Variants in TRAK1 observed in about 807,000 individuals in gnomAD.
TRAK1 encodes trafficking kinesin protein 1, also known as trafficking kinesin-binding protein 1.
A neutral mutation model predicts 92.1 loss-of-function variants in TRAK1; 33 were observed. The ratio of observed to expected loss-of-function variants is 0.36; its 90% CI spans 0.27 to 0.48. The LOEUF (loss-of-function observed/expected upper bound fraction) is 0.48, where lower values mean the gene tolerates loss of function less well. Among genes scored for constraint, TRAK1 ranks in the 20% least tolerant of loss-of-function variants. TRAK1 has a pLI of 0.99. For missense variants in TRAK1, 1,123 were observed against 1,257.9 expected (o/e 0.89, Z 1.62); for synonymous variants, 521 against 517.3 (o/e 1.01, Z -0.10).
chr3:42,114,014 C>T (rs528628893), intron 1 of TRAK1, among the ~76,000 whole-genome samples: 2 of 152,270 alleles, frequency 1.3e-5, no homozygotes, highest in African/African-American at 4.8e-5. Flanking sequence ...CTCTGCCAGC[C>T]GCTAATCTGC....
intron 2 of TRAK1, among the ~76,000 whole-genome samples, chr3:42,155,681 T>C (rs1380215172): frequency 6.6e-6 from 1 of 152,224 alleles, no homozygotes; most frequent in African/African-American, 2.4e-5. Context: ...GTGAAGCTTT[T>C]TGTAATGCAG....
At chr3:42,200,747 AT>A (rs1194864880) in intron 11 of TRAK1, 70 bp from the exon 12 acceptor site, 1 of 1,533,832 alleles carries the variant, frequency 6.5e-7, no homozygotes, top group African/African-American at 1.4e-5. Flanking sequence ...TCAGTTGATC[AT>A]TTTTGGAGGG....
chr3:42,181,359 C>T (rs1416619142), intron 3 of TRAK1, among the ~76,000 whole-genome samples: 1 of 152,154 alleles, frequency 6.6e-6, no homozygotes, highest in African/African-American at 2.4e-5. Context: ...GCCTGGCCTA[C>T]ATGGTGAAAC....
intron 1 of TRAK1, among the ~76,000 whole-genome samples, chr3:42,100,212 C>T (rs925500482): frequency 2.6e-5 from 4 of 152,092 alleles, no homozygotes; most frequent in African/African-American, 9.7e-5. Flanking sequence ...ACAAAAAATA[C>T]AAAGCTTAGC....
rs2290134 is a variant in TRAK1, at chr3:42,209,771, C to T, written c.1749C>T (p.Ser583=). Residue 583 remains serine, a synonymous_variant, in exon 14 of 16, where the codon TCC becomes TCT. Transcript: ENST00000327628. The stretch of plus-strand genomic sequence containing the variant: ...CCCTTCCCTTTCTCCTGCAAGGTTC[C>T]GCCACACTTCACCACTGGCAGCAGT... ...KLQIVKPLEG[S]ATLHHWQQLA... is the part of the protein sequence containing the mutation. 822,356 of 1,612,310 alleles carry T rather than the reference C, an allele frequency of 0.51. 210,740 individuals are homozygous for T. The highest frequency in any genetic ancestry group is 0.63 in the Admixed American group (37,611 of 60,000).
At chr3:42,103,603 C>T (rs756117009) in intron 1 of TRAK1, among the ~76,000 whole-genome samples, 13 of 152,142 alleles carry the variant, frequency 8.5e-5, no homozygotes, top group Non-Finnish European at 1.9e-4. Context: ...TTCGAGGGTA[C>T]ACTTAACAGA....
rs142940495 is a variant in TRAK1 at position 42,173,037 on chromosome 3, T to C, written c.287-3777T>C. On this transcript the variant is annotated intron_variant, in intron 2 of 15. Transcript: ENST00000327628. ...GGCAGGCACCTGTAATCCCAGCTAC[T>C]TGGGAGGCTGAGGTGGGAGAATCGC... Among the ~76,000 whole-genome samples the C allele has an allele frequency of 6.9e-3, 1,053 of 152,004 alleles. 12 individuals carry two copies. The highest frequency in any genetic ancestry group is 0.024 in the African/African-American group (1,001 of 41,478).
intron 1 of TRAK1, among the ~76,000 whole-genome samples, chr3:42,121,624 C>A (rs1662869309): frequency 6.6e-6 from 1 of 152,100 alleles, no homozygotes; most frequent in African/African-American, 2.4e-5. Flanking sequence ...ATGTGTCCTC[C>A]CCTTGAGGCA....
chr3:42,054,594 A>C (rs541408193), intron 1 of TRAK1, among the ~76,000 whole-genome samples: 91 of 152,300 alleles, frequency 6.0e-4, no homozygotes, highest in African/African-American at 2.2e-3. Context: ...CCATTGGAAG[A>C]CTCAGCTGTT....
intron 2 of TRAK1, among the ~76,000 whole-genome samples, chr3:42,141,325 C>A (rs980021111): frequency 2.0e-5 from 3 of 152,100 alleles, no homozygotes; most frequent in African/African-American, 7.2e-5. Flanking sequence ...ACATGTAGTT[C>A]TAGTAATGAC....
chr3:42,089,887 G>A (rs1250229525), upstream of TRAK1, among the ~76,000 whole-genome samples: 1 of 152,160 alleles, frequency 6.6e-6, no homozygotes, highest in South Asian at 2.1e-4. Context: ...TGTGGCCAGC[G>A]CTCAGTGAAC....
At chr3:42,183,878 G>T (rs1252353072) in intron 3 of TRAK1, among the ~76,000 whole-genome samples, 1 of 152,012 alleles carries the variant, frequency 6.6e-6, no homozygotes, top group South Asian at 2.1e-4. Flanking sequence ...ACTATCAGGG[G>T]ACGTCTTTTT....
intron 2 of TRAK1, chr3:42,145,860 C>T: frequency 4.0e-6 from 1 of 249,160 alleles, no homozygotes; most frequent in Non-Finnish European, 7.9e-6. Flanking sequence ...AAACCCTTTT[C>T]CCAGTAGGGA....
intron 2 of TRAK1, chr3:42,149,187 C>G: frequency 1.9e-6 from 2 of 1,053,400 alleles, no homozygotes; most frequent in Non-Finnish European, 2.3e-6. Flanking sequence ...GTGTGTGTCT[C>G]TGACGTCACC....
intron 14 of TRAK1, chr3:42,218,572 C>T (rs1577066965): frequency 3.0e-6 from 3 of 985,056 alleles, no homozygotes; most frequent in Non-Finnish European, 3.6e-6. Flanking sequence ...AGGATGACCT[C>T]TGCAATCATG....
At chr3:42,026,133 C>G (rs1701905563) in intron 1 of TRAK1, among the ~76,000 whole-genome samples, 1 of 152,114 alleles carries the variant, frequency 6.6e-6, no homozygotes, top group African/African-American at 2.4e-5. Context: ...ATACTTCCTT[C>G]TTTTGTCCTT....
At chr3:42,027,836 A>T (rs990256788) in intron 1 of TRAK1, among the ~76,000 whole-genome samples, 6 of 152,146 alleles carry the variant, frequency 3.9e-5, no homozygotes, top group African/African-American at 1.2e-4. Flanking sequence ...GAAGCCTTTT[A>T]TCTCAATGGC....
chr3:42,206,760 T>G (rs1444528658), intron 13 of TRAK1, among the ~76,000 whole-genome samples: 1 of 152,236 alleles, frequency 6.6e-6, no homozygotes, highest in African/African-American at 2.4e-5. Context: ...GTAATTTCAC[T>G]AAATTTCCTT....
At chr3:42,193,444 A>G (rs577020710) in intron 8 of TRAK1, among the ~76,000 whole-genome samples, 35 of 152,292 alleles carry the variant, frequency 2.3e-4, no homozygotes, top group African/African-American at 7.7e-4. Flanking sequence ...AGATGTTGTA[A>G]ATATGGACTT....
Sources: allele counts gnomAD v4.1 joint callset (sites outside exome capture counted in the v4.1 genomes callset), GRCh38; gene constraint gnomAD v4.1.1; transcripts MANE v1.5; gene names NCBI Gene and HGNC (gene_info 2026-07-23, HGNC 2026-07-21).